Variants in FSTL5 observed in about 807,000 individuals in gnomAD.
FSTL5 encodes the protein follistatin-related protein 5.
FSTL5 carries 62 observed loss-of-function variants against 89.1 expected under a neutral mutation model. The observed-to-expected ratio is 0.70, with a 90% CI of 0.57 to 0.86. FSTL5 has a LOEUF of 0.86. Ranked by LOEUF, FSTL5 falls within the 40% of genes least tolerant of loss-of-function variation. The pLI, the probability that FSTL5 is intolerant of heterozygous loss-of-function variation, is 0.00. For missense variants in FSTL5, 1,057 were observed against 1,001.6 expected (o/e 1.06, Z -0.75); for synonymous variants, 383 against 346.2 (o/e 1.11, Z -1.18).
chr4:161,386,524 T>C, intron 15 of FSTL5, 75 bp from the exon 16 acceptor site: 2 of 995,454 alleles, frequency 2.0e-6, no homozygotes, highest in Non-Finnish European at 3.0e-6. Flanking sequence ...TAGATACAGG[T>C]GGAAAGGTCC....
At chr4:161,687,506 A>T (rs1398462610) in intron 6 of FSTL5, among the ~76,000 whole-genome samples, 1 of 152,198 alleles carries the variant, frequency 6.6e-6, no homozygotes, top group Non-Finnish European at 1.5e-5. Flanking sequence ...GGAGACAAAC[A>T]TATCCACTCA....
chr4:161,930,694 C>G (rs946104223), intron 3 of FSTL5, among the ~76,000 whole-genome samples: 3 of 151,808 alleles, frequency 2.0e-5, no homozygotes, highest in African/African-American at 7.3e-5. Flanking sequence ...AGCGCTCTAT[C>G]TATGCTCGTA....
intron 3 of FSTL5, among the ~76,000 whole-genome samples, chr4:161,959,015 C>T (rs1456750798): frequency 6.6e-6 from 1 of 152,014 alleles, no homozygotes; most frequent in African/African-American, 2.4e-5. Context: ...GAAATTTCCC[C>T]GTCAATGACC....
intron 6 of FSTL5, among the ~76,000 whole-genome samples, chr4:161,729,989 A>T (rs900172729): frequency 6.6e-6 from 1 of 152,214 alleles, no homozygotes; most frequent in African/African-American, 2.4e-5. Context: ...ACACTAGTGT[A>T]TATGTATATT....
chr4:161,834,590 C>G (rs977807672), intron 4 of FSTL5, among the ~76,000 whole-genome samples: 4 of 152,280 alleles, frequency 2.6e-5, no homozygotes, highest in Admixed American at 6.5e-5. Context: ...AGCTGATAAG[C>G]AACTTCAGCA....
chr4:161,526,170 A>G (rs957620354), intron 10 of FSTL5, among the ~76,000 whole-genome samples: 1 of 152,174 alleles, frequency 6.6e-6, no homozygotes, highest in African/African-American at 2.4e-5. Context: ...ACATTTTGAC[A>G]TTAACATTAG....
intron 4 of FSTL5, among the ~76,000 whole-genome samples, chr4:161,867,868 A>G (rs1732141420): frequency 6.6e-6 from 1 of 151,928 alleles, no homozygotes; most frequent in Admixed American, 6.5e-5. Context: ...ATAAAAAATT[A>G]TAGATGATTG....
chr4:161,619,254 C>T (rs1313960742), intron 7 of FSTL5, among the ~76,000 whole-genome samples: 116 of 152,246 alleles, frequency 7.6e-4, no homozygotes, highest in Non-Finnish European at 2.6e-4. Context: ...AAAACCTAGG[C>T]ATTACCATTC....
At chr4:161,611,426 AC>A (rs1465214943) in intron 7 of FSTL5, among the ~76,000 whole-genome samples, 2 of 151,806 alleles carry the variant, frequency 1.3e-5, no homozygotes, top group African/African-American at 4.8e-5. Context: ...TTAATTTATA[AC>A]CTTCTACGTA....
chr4:161,410,844 C>T (rs1027769569), intron 15 of FSTL5, among the ~76,000 whole-genome samples: 2 of 150,938 alleles, frequency 1.3e-5, no homozygotes, highest in Non-Finnish European at 3.0e-5. Flanking sequence ...ACAAATAAAC[C>T]CCCAAGCTAG....
intron 6 of FSTL5, among the ~76,000 whole-genome samples, chr4:161,742,949 C>G (rs775219149): frequency 6.6e-6 from 1 of 152,006 alleles, no homozygotes; most frequent in Non-Finnish European, 1.5e-5. Context: ...ATCCAACTAC[C>G]TTGCCAATTT....
Position 161,688,381 on chromosome 4 carries a change from T to G in FSTL5, c.728-31887A>C, listed in dbSNP as rs1037977468. ...TACAGGCATGAGCCACCTTGCCTCC[T>G]GGCCCAGTCTGTCATACTCTGTTAT... On this transcript the variant is annotated intron_variant, in intron 6 of 15. Coordinates refer to ENST00000306100, the MANE Select transcript of FSTL5 (RefSeq NM_020116.5). Among the ~76,000 whole-genome samples the G allele has an allele frequency of 4.6e-5, 7 of 152,198 alleles. No individual in the cohort carries two copies. In the East Asian group the frequency reaches 1.4e-3, roughly 29 times the overall value.
intron 14 of FSTL5, among the ~76,000 whole-genome samples, chr4:161,455,681 C>G (rs1224531385): frequency 6.6e-6 from 1 of 151,928 alleles, no homozygotes; most frequent in African/African-American, 2.4e-5. Flanking sequence ...GTTTTTTAAA[C>G]TTTTATAGTC....
intron 1 of FSTL5, among the ~76,000 whole-genome samples, chr4:162,157,015 A>G (rs115030275): frequency 0.011 from 1,634 of 152,322 alleles, 19 homozygotes; most frequent in South Asian, 0.039. Flanking sequence ...TATGCACAGG[A>G]TTTTATGAAT....
chr4:161,404,914 C>T (rs1354944174), intron 15 of FSTL5, among the ~76,000 whole-genome samples: 1 of 151,848 alleles, frequency 6.6e-6, no homozygotes, highest in Non-Finnish European at 1.5e-5. Context: ...AATTACAAGA[C>T]AAAAACTGAC....
chr4:161,445,232 C>T (rs940697341), intron 15 of FSTL5, among the ~76,000 whole-genome samples: 1 of 151,804 alleles, frequency 6.6e-6, no homozygotes, highest in Non-Finnish European at 1.5e-5. Context: ...TATGTTGGAC[C>T]ATACGAATAA....
At chr4:161,843,300 G>T (rs1402565649) in intron 4 of FSTL5, among the ~76,000 whole-genome samples, 1 of 152,136 alleles carries the variant, frequency 6.6e-6, no homozygotes, top group African/African-American at 2.4e-5. Context: ...ATTATTTGAA[G>T]AAAGTCAATG....
intron 6 of FSTL5, among the ~76,000 whole-genome samples, chr4:161,686,497 C>A (rs1737751265): frequency 6.7e-6 from 1 of 149,388 alleles, no homozygotes; most frequent in Non-Finnish European, 1.5e-5. Context: ...TAGCTGGGAC[C>A]ACAGGCACCC....
At chr4:162,132,787 T>G (rs562101383) in intron 1 of FSTL5, among the ~76,000 whole-genome samples, 1 of 152,308 alleles carries the variant, frequency 6.6e-6, no homozygotes, top group African/African-American at 2.4e-5. Context: ...CTACCTCCAT[T>G]TTATCTTCTA....
Sources: gnomAD v4.1 joint callset for allele counts (sites outside exome capture counted in the v4.1 genomes callset) on GRCh38, gnomAD v4.1.1 for gene constraint, MANE v1.5 for transcripts, NCBI Gene and HGNC (gene_info 2026-07-23, HGNC 2026-07-21) for gene names.